Variants in CA8 observed in about 807,000 individuals in gnomAD.
CA8 encodes carbonic anhydrase-related protein.
A neutral mutation model predicts 41.4 loss-of-function variants in CA8; 22 were observed. The ratio of observed to expected loss-of-function variants is 0.53; its 90% CI spans 0.38 to 0.76. The LOEUF is 0.76. Ranked by LOEUF, CA8 falls within the 30% of genes least tolerant of loss-of-function variation. The pLI is 0.00. For synonymous variants in CA8, 121 were observed against 130.6 expected (o/e 0.93, Z 0.50); for missense variants, 270 against 352.8 (o/e 0.77, Z 1.88).
chr8:60,280,026 ATTTG>A, intron 1 of CA8, 146 bp from the exon 2 acceptor site: 1 of 642,664 alleles, frequency 1.6e-6, no homozygotes, highest in Non-Finnish European at 2.5e-6. Flanking sequence ...TGGTAATTCT[ATTTG>A]TTTTTGCATT....
chr8:60,267,317 T>C (rs1186171285), intron 2 of CA8, among the ~76,000 whole-genome samples: 4 of 152,266 alleles, frequency 2.6e-5, no homozygotes, highest in Admixed American at 2.6e-4. Context: ...GAGTCCTTGA[T>C]AAAGGTGCCC....
At chr8:60,265,739 G>A (rs1183010002) in intron 3 of CA8, 186 bp downstream of exon 3, 5 of 633,292 alleles carry the variant, frequency 7.9e-6, no homozygotes, top group East Asian at 2.9e-5. Context: ...GCCAAGCCAC[G>A]AGAGTAGACA....
chr8:60,220,343 A>C (rs1807202316), intron 7 of CA8, among the ~76,000 whole-genome samples: 1 of 152,108 alleles, frequency 6.6e-6, no homozygotes, highest in Non-Finnish European at 1.5e-5. Context: ...TAAAACCAGA[A>C]TCAAGCAGTG....
intron 8 of CA8, among the ~76,000 whole-genome samples, chr8:60,206,912 T>C (rs951414014): frequency 8.6e-5 from 13 of 151,628 alleles, no homozygotes; most frequent in African/African-American, 1.5e-4. Context: ...CCCCAGCATA[T>C]AGACAAGTTC....
chr8:60,207,658 T>G (rs553707692), intron 8 of CA8, among the ~76,000 whole-genome samples: 17 of 152,350 alleles, frequency 1.1e-4, no homozygotes, highest in Admixed American at 3.3e-4. Flanking sequence ...TTCTATTTCA[T>G]ATACATCAAC....
intron 2 of CA8, among the ~76,000 whole-genome samples, chr8:60,266,475 T>C (rs1471071417): frequency 1.3e-5 from 2 of 152,212 alleles, no homozygotes; most frequent in Non-Finnish European, 2.9e-5. Context: ...CATCCACTTG[T>C]ACTAGAAGGC....
chr8:60,278,956 C>T (rs762858479), intron 2 of CA8, among the ~76,000 whole-genome samples: 1 of 152,114 alleles, frequency 6.6e-6, no homozygotes, highest in Non-Finnish European at 1.5e-5. Flanking sequence ...GAAATGCATG[C>T]TATTAATGCT....
At chr8:60,276,670 T>C (rs1489925285) in intron 2 of CA8, among the ~76,000 whole-genome samples, 1 of 152,128 alleles carries the variant, frequency 6.6e-6, no homozygotes, top group Non-Finnish European at 1.5e-5. Flanking sequence ...ACTATTTGGG[T>C]GACAGTTACA....
At chr8:60,237,284 G>A (rs1807867306) in intron 3 of CA8, among the ~76,000 whole-genome samples, 1 of 152,098 alleles carries the variant, frequency 6.6e-6, no homozygotes. Flanking sequence ...GCTTTTCTCT[G>A]TCTTCCCATA....
rs140090818 is a variant in CA8, at chr8:60,257,735, T to A, written c.417+8190A>T. ...AGTTAGTCTAGCCTACAGTGACCCG[T>A]GACTGGTTATATCTAGCACAATGTC... is the stretch of plus-strand genomic sequence containing the variant. On this transcript the variant is annotated intron_variant, in intron 3 of 8. Coordinates refer to ENST00000317995, the MANE Select transcript of CA8 (RefSeq NM_004056.6). Among the ~76,000 whole-genome samples, 871 of 152,346 alleles carry A rather than the reference T, an allele frequency of 5.7e-3. 4 individuals carry two copies. Among genetic ancestry groups the A allele is most frequent in the Non-Finnish European group, 6.7e-3 (457 of 68,034 alleles).
At chr8:60,235,946 A>G (rs1807816593) in intron 3 of CA8, among the ~76,000 whole-genome samples, 1 of 152,230 alleles carries the variant, frequency 6.6e-6, no homozygotes, top group Non-Finnish European at 1.5e-5. Flanking sequence ...AGTAGCAGAC[A>G]CTGAAAGCTG....
chr8:60,226,728 C>A, intron 5 of CA8, 145 bp downstream of exon 5: 2 of 638,974 alleles, frequency 3.1e-6, no homozygotes, highest in Non-Finnish European at 2.9e-6. Context: ...TGACCTATTT[C>A]TTTTCACTGT....
chr8:60,243,338 C>T (rs1281620262), intron 3 of CA8, among the ~76,000 whole-genome samples: 1 of 151,822 alleles, frequency 6.6e-6, no homozygotes, highest in East Asian at 1.9e-4. Context: ...ACTCAAGGGT[C>T]TTTCATCCAC....
intron 8 of CA8, among the ~76,000 whole-genome samples, chr8:60,196,842 T>A (rs1808614141): frequency 6.6e-6 from 1 of 152,126 alleles, no homozygotes; most frequent in African/African-American, 2.4e-5. Flanking sequence ...GAGGGTCTTG[T>A]CTGGCCAAAC....
intron 5 of CA8, among the ~76,000 whole-genome samples, chr8:60,225,869 A>C (rs902430608): frequency 9.2e-5 from 14 of 152,190 alleles, no homozygotes; most frequent in African/African-American, 2.7e-4. Flanking sequence ...CACGCCTGTA[A>C]TCCCAGCACT....
chr8:60,222,193 T>G lies in CA8; in HGVS notation c.738+456A>C, dbSNP rs541494568. ...GGGGGTGGGCGACCAAAAGTAGAGC[T>G]AGAAAACAATCCAGAATTTTCTAGG... On this transcript the variant is annotated intron_variant, in intron 7 of 8. Coordinates refer to ENST00000317995, the MANE Select transcript of CA8 (RefSeq NM_004056.6). 1.1e-4 allele frequency among the ~76,000 whole-genome samples: 16 copies of G among 152,272 alleles called. No individual in the cohort carries two copies. In the South Asian group the frequency reaches 3.3e-3, roughly 32 times the overall value.
chr8:60,258,367 A>AAT (rs963510682), intron 3 of CA8, among the ~76,000 whole-genome samples: 28 of 152,188 alleles, frequency 1.8e-4, no homozygotes, highest in African/African-American at 6.3e-4. Flanking sequence ...ACGAACTATT[A>AAT]ATATATATAG....
At chr8:60,267,586 C>A (rs1354099400) in intron 2 of CA8, among the ~76,000 whole-genome samples, 1 of 152,094 alleles carries the variant, frequency 6.6e-6, no homozygotes, top group East Asian at 1.9e-4. Context: ...GGCAGAAAAG[C>A]GGGATGAAGA....
At chr8:60,217,524 G>T (rs79158583) in intron 7 of CA8, among the ~76,000 whole-genome samples, 1 of 152,130 alleles carries the variant, frequency 6.6e-6, no homozygotes, top group Non-Finnish European at 1.5e-5. Flanking sequence ...CTCGTTCTCT[G>T]AATCAGTTCT....
Sources: allele counts gnomAD v4.1 joint callset (sites outside exome capture counted in the v4.1 genomes callset), GRCh38; gene constraint gnomAD v4.1.1; transcripts MANE v1.5; gene names NCBI Gene and HGNC (gene_info 2026-07-23, HGNC 2026-07-21).